The following KIAA1328 variants were observed in gnomAD, a reference collection of about 807,000 sequenced individuals.
KIAA1328 encodes the protein KIAA1328.
A neutral mutation model predicts 68.1 loss-of-function variants in KIAA1328; 52 were observed. That is an observed-to-expected ratio of 0.76 (90% CI 0.61 to 0.96). KIAA1328 has a LOEUF of 0.96. Ranked by LOEUF, KIAA1328 falls within the 40% of genes least tolerant of loss-of-function variation. The pLI is 0.00. For missense variants in KIAA1328, 641 were observed against 677.6 expected, an observed-to-expected ratio of 0.95 and a Z score of 0.60; for synonymous variants, 232 against 239.4, an observed-to-expected ratio of 0.97 and a Z score of 0.28.
chr18:37,156,611 T>C (rs1226711867), intron 7 of KIAA1328, among the ~76,000 whole-genome samples: 3 of 151,962 alleles, frequency 2.0e-5, no homozygotes, highest in Non-Finnish European at 4.4e-5. Context: ...AATATATAAG[T>C]GAATGATTGA....
At chr18:37,028,893 T>C (rs1368194779) in intron 6 of KIAA1328, among the ~76,000 whole-genome samples, 1 of 152,146 alleles carries the variant, frequency 6.6e-6, no homozygotes, top group African/African-American at 2.4e-5. Flanking sequence ...GTGGATTAGC[T>C]TTTTGAGGTG....
chr18:36,932,708 C>G (rs2050356901), intron 5 of KIAA1328, among the ~76,000 whole-genome samples: 1 of 152,188 alleles, frequency 6.6e-6, no homozygotes, highest in Non-Finnish European at 1.5e-5. Flanking sequence ...AAACTCTCAA[C>G]TATTCAGGAT....
intron 6 of KIAA1328, among the ~76,000 whole-genome samples, chr18:36,990,592 A>T (rs532989930): frequency 6.6e-6 from 1 of 151,754 alleles, no homozygotes; most frequent in Non-Finnish European, 1.5e-5. Context: ...AATTGCTTGA[A>T]CCCAGGAGGT....
intron 5 of KIAA1328, among the ~76,000 whole-genome samples, chr18:36,900,216 A>C (rs1385374116): frequency 1.3e-5 from 2 of 151,972 alleles, no homozygotes; most frequent in African/African-American, 4.8e-5. Context: ...AATCTTGTAA[A>C]ATGTTGATAA....
At chr18:37,203,121 G>C (rs969948905) in intron 9 of KIAA1328, among the ~76,000 whole-genome samples, 10 of 147,772 alleles carry the variant, frequency 6.8e-5, no homozygotes, top group African/African-American at 2.5e-4. Flanking sequence ...TATTAATGCT[G>C]TATGAAAATC....
intron 1 of KIAA1328, among the ~76,000 whole-genome samples, chr18:36,830,567 A>G (rs1003585550): frequency 2.0e-5 from 3 of 152,152 alleles, no homozygotes; most frequent in African/African-American, 7.2e-5. Flanking sequence ...GTTCAAATAT[A>G]GAATCAATGG....
chr18:36,900,156 T>TA lies in KIAA1328; in HGVS notation c.448+14485dup, dbSNP rs370345560. 2.8e-3 allele frequency among the ~76,000 whole-genome samples: 419 copies of TA among 152,122 alleles called. 4 individuals carry two copies. The highest frequency in any genetic ancestry group is 9.8e-3 in the African/African-American group (406 of 41,552). ...CCAAATATATGTTAGTAAAAGTTTT[T>TA]AGAGATGCAATTCAAATATTAAAAT... On this transcript the variant is annotated intron_variant, in intron 5 of 9. Coordinates refer to ENST00000280020, the MANE Select transcript of KIAA1328 (RefSeq NM_020776.3).
chr18:37,003,549 C>T (rs947037358), intron 6 of KIAA1328, among the ~76,000 whole-genome samples: 3 of 152,088 alleles, frequency 2.0e-5, no homozygotes, highest in Non-Finnish European at 2.9e-5. Flanking sequence ...GTTGTTTACT[C>T]TGCTAATGGT....
At chr18:37,200,775 C>T (rs1599578375) in intron 9 of KIAA1328, among the ~76,000 whole-genome samples, 1 of 146,248 alleles carries the variant, frequency 6.8e-6, no homozygotes, top group South Asian at 2.1e-4. Flanking sequence ...TGCGCCACTG[C>T]AGTCCGCAGT....
chr18:37,193,986 T>C (rs1386610205), intron 9 of KIAA1328, among the ~76,000 whole-genome samples: 1 of 152,224 alleles, frequency 6.6e-6, no homozygotes, highest in African/African-American at 2.4e-5. Context: ...TTCCATTATA[T>C]GCACGTACCA....
intron 7 of KIAA1328, among the ~76,000 whole-genome samples, chr18:37,076,960 A>G (rs1456955839): frequency 2.6e-5 from 4 of 152,114 alleles, no homozygotes; most frequent in Non-Finnish European, 4.4e-5. Flanking sequence ...TAGAAAAAGA[A>G]GGAATCCTCC....
At position 36,955,049 on chromosome 18, in the gene KIAA1328, T is replaced by C. The variant is rs188507810; in HGVS notation, c.449-4259T>C. 7.9e-5 allele frequency among the ~76,000 whole-genome samples: 12 copies of C among 152,216 alleles called. No individual in the cohort carries two copies. The East Asian group carries it at 2.3e-3, about 29-fold the overall frequency. On this transcript the variant is annotated intron_variant, in intron 5 of 9. Coordinates refer to ENST00000280020, the MANE Select transcript of KIAA1328 (RefSeq NM_020776.3). ...CCATGAAGTTGTGGATTTTTATTTA[T>C]TCAGTTTTCTATTAATTAGAGTAAT...
chr18:36,904,738 A>T (rs1411589336), intron 5 of KIAA1328, among the ~76,000 whole-genome samples: 1 of 152,052 alleles, frequency 6.6e-6, no homozygotes, highest in Non-Finnish European at 1.5e-5. Flanking sequence ...TGATACAGTT[A>T]GGTTTGAGTT....
In KIAA1328 at chr18:36,934,436, A is replaced by G. The variant is rs185483776; in HGVS notation, c.449-24872A>G. On this transcript the variant is annotated intron_variant, in intron 5 of 9. Coordinates refer to ENST00000280020, the MANE Select transcript of KIAA1328 (RefSeq NM_020776.3). The stretch of plus-strand genomic sequence containing the variant: ...TAACTCGTCATTTAGCATTAGTCAT[A>G]TCTCCTAATGCTATCCCTCCCTCCT... 2.7e-4 allele frequency among the ~76,000 whole-genome samples: 41 copies of G among 152,050 alleles called. No individual in the cohort carries two copies. In the East Asian group the frequency reaches 7.6e-3, roughly 28 times the overall value.
chr18:36,933,239 A>C (rs1013545073), intron 5 of KIAA1328, among the ~76,000 whole-genome samples: 1 of 152,138 alleles, frequency 6.6e-6, no homozygotes, highest in Non-Finnish European at 1.5e-5. Context: ...ATATGTATCT[A>C]TTTCTTAACT....
intron 6 of KIAA1328, among the ~76,000 whole-genome samples, chr18:36,975,569 C>T (rs2052438569): frequency 6.6e-6 from 1 of 152,186 alleles, no homozygotes; most frequent in Non-Finnish European, 1.5e-5. Context: ...AGCAATTTGC[C>T]AGGCACCCTT....
chr18:36,938,350 T>C (rs996256186), intron 5 of KIAA1328, among the ~76,000 whole-genome samples: 2 of 152,178 alleles, frequency 1.3e-5, no homozygotes, highest in African/African-American at 4.8e-5. Context: ...CCCTGATGAT[T>C]AGTGATGATG....
At chr18:36,995,144 T>C (rs1568267661) in intron 6 of KIAA1328, among the ~76,000 whole-genome samples, 6 of 152,070 alleles carry the variant, frequency 3.9e-5, no homozygotes, top group African/African-American at 1.4e-4. Context: ...TGTGTGATGT[T>C]CCCCTCCCTG....
intron 6 of KIAA1328, among the ~76,000 whole-genome samples, chr18:36,962,854 CA>C (rs2051747895): frequency 6.6e-6 from 1 of 152,126 alleles, no homozygotes; most frequent in Admixed American, 6.5e-5. Context: ...TAATTGCCTA[CA>C]AGAGAAAGCA....
Sources: allele counts gnomAD v4.1 joint callset (sites outside exome capture counted in the v4.1 genomes callset), GRCh38; gene constraint gnomAD v4.1.1; transcripts MANE v1.5; gene names NCBI Gene and HGNC (gene_info 2026-07-23, HGNC 2026-07-21).